JMY: variants seen among roughly 807,000 people sequenced by gnomAD.
JMY encodes the protein junction mediating and regulatory protein, p53 cofactor, also known as junction-mediating and -regulatory protein.
A neutral mutation model predicts 103.3 loss-of-function variants in JMY; 46 were observed. That is an observed-to-expected ratio of 0.45 (90% confidence interval 0.35 to 0.57). JMY has a LOEUF of 0.57. JMY is among the 20% of genes least tolerant of loss of function. JMY has a pLI of 0.00. For missense variants in JMY, 1,238 were observed against 1,255.2 expected, an observed-to-expected ratio of 0.99 and a Z score of 0.21; for synonymous variants, 526 against 489.3, an observed-to-expected ratio of 1.07 and a Z score of -0.99.
chr5:79,320,461 C>T (rs1463104400), intron 10 of JMY, among the ~76,000 whole-genome samples: 2 of 151,922 alleles, frequency 1.3e-5, no homozygotes, highest in Admixed American at 1.3e-4. Context: ...ACAGGCGCAC[C>T]ACCATGCCCA....
At chr5:79,295,685 G>A (rs1339004847) in intron 4 of JMY, among the ~76,000 whole-genome samples, 2 of 152,212 alleles carry the variant, frequency 1.3e-5, no homozygotes, top group East Asian at 3.8e-4. Context: ...TATGGGCCTT[G>A]CCAGAAACTT....
intron 1 of JMY, among the ~76,000 whole-genome samples, chr5:79,263,551 G>A (rs1252760299): frequency 1.3e-5 from 2 of 151,986 alleles, no homozygotes; most frequent in Admixed American, 6.6e-5. Context: ...GCGCCACTAC[G>A]CCTGGCTGAT....
At chr5:79,239,561 C>T (rs1291888612) in intron 1 of JMY, among the ~76,000 whole-genome samples, 7 of 152,258 alleles carry the variant, frequency 4.6e-5, no homozygotes, top group African/African-American at 1.7e-4. Flanking sequence ...AATCCCAACA[C>T]TTTGGGAGGC....
chr5:79,238,648 C>CTTTTTTTTTT (rs1055172051), intron 1 of JMY, among the ~76,000 whole-genome samples: 22 of 120,654 alleles, frequency 1.8e-4, no homozygotes, highest in Non-Finnish European at 2.2e-4. Flanking sequence ...TCCGCGCCTT[C>CTTTTTTTTTT]TTTTTTTTTT....
intron 1 of JMY, among the ~76,000 whole-genome samples, chr5:79,266,712 C>T (rs922126245): frequency 2.0e-5 from 3 of 152,188 alleles, no homozygotes; most frequent in South Asian, 4.2e-4. Flanking sequence ...ATCCATTAAC[C>T]AACTTCTCTT....
At chr5:79,255,824 T>G (rs1201259829) in intron 1 of JMY, among the ~76,000 whole-genome samples, 1 of 152,158 alleles carries the variant, frequency 6.6e-6, no homozygotes, top group Non-Finnish European at 1.5e-5. Flanking sequence ...GACCTGGGGG[T>G]GGAGGGACAC....
rs145896480 is a variant in JMY at position 79,237,321 on chromosome 5, C to T, written c.671C>T (p.Ala224Val). The change falls in exon 1 of 11, where the codon GCC becomes GTC. Residue 224 changes from alanine (A) to valine (V), a missense_variant. Physicochemically the swap from Ala to Val is moderately conservative, Grantham distance 64. Transcript: ENST00000396137. ...PPPATELESP[A>V]EECSWAGLFS... ...CCCGCCACCGAGCTGGAGTCTCCGG[C>T]CGAAGAGTGCAGCTGGGCCGGACTG... is the stretch of plus-strand genomic sequence containing the variant. The T allele has an allele frequency of 3.2e-6, 5 of 1,579,836 alleles. No individual in the cohort carries two copies. In the African/African-American group the frequency reaches 5.4e-5, roughly 17 times the overall value.
rs572284030 is a variant in JMY at position 79,274,019 on chromosome 5, T to C, written c.1033-3891T>C. 5.9e-3 allele frequency among the ~76,000 whole-genome samples: 904 copies of C among 151,972 alleles called. 1 individual carries two copies. The highest frequency in any genetic ancestry group is 9.6e-3 in the Non-Finnish European group (650 of 67,958). ...CTAATTTTTGTATTTTTAGTAGAGA[T>C]GGGGTTTCACCATGTTAACCAGGAT... On this transcript the variant is annotated intron_variant, in intron 1 of 10. Coordinates refer to ENST00000396137, the MANE Select transcript of JMY (RefSeq NM_152405.5).
rs1012545807 is a variant in JMY, at chr5:79,323,460, A to G, written c.*1858A>G. On this transcript the variant is annotated 3_prime_UTR_variant, in exon 11 of 11. Coordinates refer to ENST00000396137, the MANE Select transcript of JMY (RefSeq NM_152405.5). ...CCTATTTGCCCTTGGTAAAATATTAAAGCGTATTTCTTAACCCAAAGAGTG... is the reference window on the plus strand; with the variant it reads ...CCTATTTGCCCTTGGTAAAATATTAGAGCGTATTTCTTAACCCAAAGAGTG... 2 of 152,214 alleles carry G rather than the reference A, an allele frequency of 1.3e-5. No individual in the cohort carries two copies. Among genetic ancestry groups the G allele is most frequent in the Admixed American group, 6.5e-5 (1 of 15,282 alleles). 9.4% of individuals were successfully genotyped at this position (152,214 alleles called of 1,614,324 possible).
intron 1 of JMY, among the ~76,000 whole-genome samples, chr5:79,244,383 A>G (rs1241770208): frequency 6.6e-6 from 1 of 152,114 alleles, no homozygotes; most frequent in African/African-American, 2.4e-5. Flanking sequence ...CAGTGATATT[A>G]TTATAAGGGA....
chr5:79,266,754 T>G (rs1426089141), intron 1 of JMY, among the ~76,000 whole-genome samples: 3 of 152,330 alleles, frequency 2.0e-5, no homozygotes, highest in Admixed American at 2.0e-4. Context: ...TTGAATTGCT[T>G]CTTTTTGCTC....
Position 79,236,889 on chromosome 5 carries a change from G to T in JMY, c.239G>T (p.Gly80Val). ...AGGAASDGSRGPGSPAGRGRP... is the reference protein window; with the variant it reads ...AGGAASDGSRVPGSPAGRGRP... ...GGAGCTGCGTCCGACGGGAGCCGCGGGCCCGGCAGCCCGGCGGGCAGGGGT... is the reference window on the plus strand; with the variant it reads ...GGAGCTGCGTCCGACGGGAGCCGCGTGCCCGGCAGCCCGGCGGGCAGGGGT... Residue 80 changes from glycine (G) to valine (V), a missense_variant, in exon 1 of 11, where the codon GGG becomes GTG. Transcript: ENST00000396137. 1 of 1,371,110 alleles carries T rather than the reference G, an allele frequency of 7.3e-7. No individual in the cohort carries two copies. The highest frequency in any genetic ancestry group is 9.4e-7 in the Non-Finnish European group (1 of 1,065,596). The allele number at this position is 1,371,110 out of a possible 1,614,324, so 84.9% of individuals were successfully genotyped here.
chr5:79,312,514 G>A lies in JMY; in HGVS notation c.2064+16G>A. ...ATTTAAACAGGTATTAAAAGTAATG[G>A]TCCATTTATTGTTTTTCTTTTTTTT... On this transcript the variant is annotated intron_variant, in intron 8 of 10. Transcript: ENST00000396137. The A allele has an allele frequency of 7.4e-7, 1 of 1,349,570 alleles. No individual in the cohort carries two copies. The highest frequency in any genetic ancestry group is 1.6e-5 in the African/African-American group (1 of 63,012). The allele number at this position is 1,349,570 out of a possible 1,614,324, so 83.6% of individuals were successfully genotyped here.
intron 8 of JMY, 86 bp downstream of exon 8, chr5:79,312,584 G>A: frequency 1.5e-6 from 1 of 654,880 alleles, no homozygotes; most frequent in Admixed American, 3.4e-5. Flanking sequence ...ATTTCTTTGT[G>A]GGAAAAACTT....
chr5:79,323,364 A>T lies in JMY; in HGVS notation c.*1762A>T, dbSNP rs1383752176. The T allele has an allele frequency of 6.6e-6, 1 of 152,238 alleles. No homozygotes were observed. Among genetic ancestry groups the T allele is most frequent in the African/African-American group, 2.4e-5 (1 of 41,466 alleles). The allele number at this position is 152,238 out of a possible 1,614,324, so 9.4% of individuals were successfully genotyped here. On this transcript the variant is annotated 3_prime_UTR_variant, in exon 11 of 11. Transcript: ENST00000396137. The stretch of plus-strand genomic sequence containing the variant: ...GTTTTAGTTCCCACACTATTCCCAC[A>T]TCTTATCTGGGAAGATTAGAAATAC...
chr5:79,300,593 C>A, intron 5 of JMY, 83 bp from the exon 6 acceptor site: 2 of 1,099,784 alleles, frequency 1.8e-6, no homozygotes, highest in South Asian at 1.7e-5. Flanking sequence ...GGTTGCAGAG[C>A]CAGTAATGAG....
chr5:79,288,420 T>C (rs1411502362), intron 2 of JMY, among the ~76,000 whole-genome samples: 2 of 150,296 alleles, frequency 1.3e-5, no homozygotes, highest in African/African-American at 4.9e-5. Flanking sequence ...TGAACCTCAA[T>C]GAAGTTTGTC....
Position 79,324,666 on chromosome 5 carries a change from T to C in JMY, c.*3064T>C, listed in dbSNP as rs927649456. On this transcript the variant is annotated 3_prime_UTR_variant, in exon 11 of 11. Transcript: ENST00000396137. ...ATGAGGAATGCCTGGCTAAAGAGGA[T>C]TTTTTAAAAGATGAAGAATGGTTTT... 86 of 152,272 alleles carry C rather than the reference T, an allele frequency of 5.6e-4. No individual in the cohort carries two copies. Among genetic ancestry groups the C allele is most frequent in the African/African-American group, 1.9e-3 (78 of 41,556 alleles). 9.4% of individuals were successfully genotyped at this position (152,272 alleles called of 1,614,324 possible).
At chr5:79,247,095 T>C (rs1312979220) in intron 1 of JMY, among the ~76,000 whole-genome samples, 2 of 152,140 alleles carry the variant, frequency 1.3e-5, no homozygotes, top group Non-Finnish European at 2.9e-5. Flanking sequence ...CACTGGACTG[T>C]CTGCATCCCT....
Sources: gnomAD v4.1 joint callset for allele counts (sites outside exome capture counted in the v4.1 genomes callset) on GRCh38, gnomAD v4.1.1 for gene constraint, MANE v1.5 for transcripts, NCBI Gene and HGNC (gene_info 2026-07-23, HGNC 2026-07-21) for gene names.